GPR35: variants seen among roughly 807,000 people sequenced by gnomAD.
GPR35 encodes the protein G protein-coupled receptor 35, also known as KYNA receptor.
For synonymous variants in GPR35, 207 were observed against 198.4 expected, an observed-to-expected ratio of 1.04 and a Z score of -0.36; for missense variants, 372 against 422.5, an observed-to-expected ratio of 0.88 and a Z score of 1.05.
exon 5 of GPR35, chr2:240,618,974 C>A (rs1174633195): frequency 1.4e-6 from 1 of 702,754 alleles, no homozygotes; most frequent in Non-Finnish European, 2.6e-6. Flanking sequence ...GTCCCCACTC[C>A]ACACCGTGGC....
intron 2 of GPR35, chr2:240,616,361 TC>T: frequency 1.3e-6 from 1 of 748,176 alleles, no homozygotes; most frequent in East Asian, 2.5e-5. Context: ...GGCAGCTTCC[TC>T]CTCCGTCTCT....
intron 2 of GPR35, among the ~76,000 whole-genome samples, chr2:240,614,804 GTGTGTGTATGTGCACATGTGCA>G (rs2043222523): frequency 6.6e-6 from 1 of 152,142 alleles, no homozygotes; most frequent in Non-Finnish European, 1.5e-5. Flanking sequence ...TTATCAGAGT[GTGTGTGTATGTGCACATGTGCA>G]TGTGTGTATG....
intron 2 of GPR35, among the ~76,000 whole-genome samples, chr2:240,615,928 G>C (rs1248649103): frequency 6.6e-6 from 1 of 152,220 alleles, no homozygotes; most frequent in Non-Finnish European, 1.5e-5. Flanking sequence ...TGGTTGAATT[G>C]GATCTGAGGA....
At chr2:240,621,968 G>A (rs1290941325), upstream of GPR35, among the ~76,000 whole-genome samples, 1 of 152,138 alleles carries the variant, frequency 6.6e-6, no homozygotes, top group East Asian at 1.9e-4. Flanking sequence ...TGCCTCCCAG[G>A]CTCAGGTGCT....
At chr2:240,611,547 A>G (rs1339931162) in intron 2 of GPR35, among the ~76,000 whole-genome samples, 2 of 152,086 alleles carry the variant, frequency 1.3e-5, no homozygotes, top group Non-Finnish European at 2.9e-5. Flanking sequence ...GATTGATTGG[A>G]TGTAGGAGGA....
At chr2:240,622,701 G>A (rs2953152), upstream of GPR35, among the ~76,000 whole-genome samples, 73,644 of 152,068 alleles carry the variant, frequency 0.48, 19,663 homozygotes, top group South Asian at 0.71. Flanking sequence ...AGCAGGAGGA[G>A]GGGCAGGAAG....
chr2:240,614,345 C>G (rs145714675), intron 2 of GPR35, among the ~76,000 whole-genome samples: 1 of 152,220 alleles, frequency 6.6e-6, no homozygotes, highest in Non-Finnish European at 1.5e-5. Flanking sequence ...AATCCTAACC[C>G]TAATCCAAAT....
intron 2 of GPR35, among the ~76,000 whole-genome samples, chr2:240,606,973 T>G (rs1291926406): frequency 2.0e-5 from 3 of 152,108 alleles, no homozygotes; most frequent in African/African-American, 7.2e-5. Flanking sequence ...AAAAAGTTGT[T>G]GCAGACATTA....
chr2:240,618,974 C>G (rs1174633195), exon 5 of GPR35: 1 of 702,872 alleles, frequency 1.4e-6, no homozygotes, highest in South Asian at 1.5e-5. Flanking sequence ...GTCCCCACTC[C>G]ACACCGTGGC....
At chr2:240,626,771 G>T (rs1201190950) in intron 1 of GPR35, among the ~76,000 whole-genome samples, 1 of 152,082 alleles carries the variant, frequency 6.6e-6, no homozygotes, top group Non-Finnish European at 1.5e-5. Flanking sequence ...CTCACTGCGT[G>T]CCCCCACGTC....
chr2:240,608,608 GTTAT>G (rs1238371433), intron 2 of GPR35, among the ~76,000 whole-genome samples: 1 of 152,012 alleles, frequency 6.6e-6, no homozygotes, highest in Non-Finnish European at 1.5e-5. Context: ...TTCATGATGT[GTTAT>G]TTGTTTTATA....
chr2:240,618,849 T>C lies in GPR35; in HGVS notation c.-148-39T>C. On this transcript the variant is annotated intron_variant, in intron 4 of 5. Transcript: ENST00000319838. ...CAAATACATTCTGGAGATGACCATATGACAGTGTGTAGAAATATTTCTCCC... is the reference window on the plus strand; with the variant it reads ...CAAATACATTCTGGAGATGACCATACGACAGTGTGTAGAAATATTTCTCCC... The C allele has an allele frequency of 4.8e-6, 3 of 618,812 alleles. 1 individual carries two copies. In the Middle Eastern group the frequency reaches 1.1e-3, roughly 225 times the overall value. 38.3% of individuals were successfully genotyped at this position (618,812 alleles called of 1,614,324 possible). A position where few individuals can be genotyped will look rare whatever the true frequency, so the allele number is the denominator to read the frequency against.
rs1575470506 is a variant in GPR35, at chr2:240,629,943, C to T, written c.-4-6C>T. On this transcript the variant is annotated splice_polypyrimidine_tract_variant and splice_region_variant and intron_variant, in intron 1 of 1. Coordinates refer to ENST00000407714, the MANE Select transcript of GPR35 (RefSeq NM_005301.5). ...TGCTGACCTCCGGCTCCCTGTGCTG[C>T]CCCAGGACCATGAATGGCACCTACA... The T allele has an allele frequency of 6.3e-7, 1 of 1,594,756 alleles. No individual in the cohort carries two copies. Among genetic ancestry groups the T allele is most frequent in the East Asian group, 2.2e-5 (1 of 44,450 alleles).
chr2:240,627,968 T>C (rs911221224), intron 1 of GPR35: 1 of 152,118 alleles, frequency 6.6e-6, no homozygotes, highest in Non-Finnish European at 1.5e-5. Flanking sequence ...CCAGGCTGCC[T>C]CTACTCAAGG....
At chr2:240,609,237 C>T (rs2043162015) in intron 2 of GPR35, among the ~76,000 whole-genome samples, 1 of 151,184 alleles carries the variant, frequency 6.6e-6, no homozygotes. Context: ...CTTATTTCTT[C>T]TGCTTACTTG....
chr2:240,606,185 T>C (rs1406334127), intron 1 of GPR35, among the ~76,000 whole-genome samples: 1 of 152,142 alleles, frequency 6.6e-6, no homozygotes, highest in Non-Finnish European at 1.5e-5. Context: ...CCAGGGAACA[T>C]GGCACCAGGT....
chr2:240,610,371 C>T (rs2043171528), intron 2 of GPR35, among the ~76,000 whole-genome samples: 1 of 152,016 alleles, frequency 6.6e-6, no homozygotes, highest in Non-Finnish European at 1.5e-5. Context: ...TAAATTTTTC[C>T]ATTCTTTTAC....
chr2:240,615,137 A>C (rs1474032819), intron 2 of GPR35, among the ~76,000 whole-genome samples: 1 of 152,016 alleles, frequency 6.6e-6, no homozygotes. Context: ...GTGTGTGTAC[A>C]CATACACGTG....
At chr2:240,619,696 GAC>G (rs931390032) in intron 5 of GPR35, among the ~76,000 whole-genome samples, 1 of 152,172 alleles carries the variant, frequency 6.6e-6, no homozygotes, top group Non-Finnish European at 1.5e-5. Flanking sequence ...GACAGCACAC[GAC>G]ACACACTCCG....
Sources: allele counts gnomAD v4.1 joint callset (sites outside exome capture counted in the v4.1 genomes callset), GRCh38; gene constraint gnomAD v4.1.1; transcripts MANE v1.5; gene names NCBI Gene and HGNC (gene_info 2026-07-23, HGNC 2026-07-21).